The following USH2A variants were observed in gnomAD, a reference collection of about 807,000 sequenced individuals.
USH2A encodes the protein Usher syndrome 2A (autosomal recessive, mild).
A neutral mutation model predicts 538.9 loss-of-function variants in USH2A; 443 were observed. The observed-to-expected ratio is 0.82, with a 90% CI of 0.76 to 0.89. The LOEUF is 0.89. Ranked by LOEUF, USH2A falls within the 40% of genes least tolerant of loss-of-function variation. The pLI, the probability that USH2A is intolerant of heterozygous loss-of-function variation, is 0.00. For synonymous variants in USH2A, 2,413 were observed against 2,273.5 expected, an observed-to-expected ratio of 1.06 and a Z score of -1.75; for missense variants, 6,633 against 6,324.8, an observed-to-expected ratio of 1.05 and a Z score of -1.65.
At chr1:216,273,169 T>C (rs1309033364) in intron 11 of USH2A, among the ~76,000 whole-genome samples, 1 of 152,010 alleles carries the variant, frequency 6.6e-6, no homozygotes, top group Non-Finnish European at 1.5e-5. Context: ...AGTAAAGGGG[T>C]GTCGGACTTT....
At chr1:215,811,490 C>T (rs189521871) in intron 49 of USH2A, among the ~76,000 whole-genome samples, 3 of 152,250 alleles carry the variant, frequency 2.0e-5, no homozygotes, top group Admixed American at 1.3e-4. Context: ...TCATCTGATC[C>T]TATAGTCCCC....
intron 18 of USH2A, among the ~76,000 whole-genome samples, chr1:216,197,086 T>G (rs1341436699): frequency 6.6e-6 from 1 of 152,016 alleles, no homozygotes; most frequent in Non-Finnish European, 1.5e-5. Flanking sequence ...TTCAGAAAAA[T>G]GCATGGTGAT....
intron 21 of USH2A, among the ~76,000 whole-genome samples, chr1:216,136,249 C>G (rs1021255944): frequency 6.6e-6 from 1 of 152,044 alleles, no homozygotes; most frequent in South Asian, 2.1e-4. Flanking sequence ...TATGCTATCT[C>G]TATAAATATA....
intron 32 of USH2A, among the ~76,000 whole-genome samples, chr1:216,036,428 TATGTATATGTACACATCC>T (rs2029971992): frequency 1.3e-5 from 2 of 152,198 alleles, no homozygotes. Context: ...CATACCTATA[TATGTATATGTACACATCC>T]ATGTATATGT....
chr1:215,892,453 T>A (rs963774555), intron 40 of USH2A, among the ~76,000 whole-genome samples: 1 of 152,208 alleles, frequency 6.6e-6, no homozygotes, highest in Non-Finnish European at 1.5e-5. Flanking sequence ...GGATGTATAA[T>A]TATATAAAGC....
chr1:216,206,599 C>T (rs1366382703), intron 16 of USH2A, among the ~76,000 whole-genome samples: 2 of 152,142 alleles, frequency 1.3e-5, no homozygotes, highest in South Asian at 4.1e-4. Context: ...CAGACCAGTA[C>T]CTGTCCACAG....
chr1:215,741,327 A>G, intron 60 of USH2A, 48 bp downstream of exon 60: 1 of 1,585,484 alleles, frequency 6.3e-7, no homozygotes, highest in Middle Eastern at 1.7e-4. Context: ...GTGTTGGAGC[A>G]GTACGCATTC....
intron 38 of USH2A, among the ~76,000 whole-genome samples, chr1:215,917,955 C>T (rs1666002743): frequency 1.3e-5 from 2 of 151,884 alleles, no homozygotes; most frequent in Admixed American, 6.6e-5. Flanking sequence ...AAAGTGAGAG[C>T]CTTTCTCAAA....
At position 215,798,760 on chromosome 1, in the gene USH2A, G is replaced by A. The variant is rs531708568; in HGVS notation, c.9958+147C>T. 2.5e-5 allele frequency: 23 copies of A among 925,460 alleles called. No individual in the cohort carries two copies. In the South Asian group the frequency reaches 3.2e-4, roughly 13 times the overall value. 57.3% of individuals were successfully genotyped at this position (925,460 alleles called of 1,614,324 possible). A position where few individuals can be genotyped will look rare whatever the true frequency, so the allele number is the denominator to read the frequency against. On this transcript the variant is annotated intron_variant, in intron 50 of 71. Coordinates refer to ENST00000307340, the MANE Select transcript of USH2A (RefSeq NM_206933.4). Reference sequence around the variant, plus strand: ...AAAAATTGGGAGATTACATTGTTATGTGTTAAACAATATGTTCCTAATTAT... The same window carrying A: ...AAAAATTGGGAGATTACATTGTTATATGTTAAACAATATGTTCCTAATTAT...
intron 41 of USH2A, 81 bp from the exon 42 acceptor site, chr1:215,879,179 T>C (rs1664848749): frequency 7.7e-7 from 1 of 1,305,050 alleles, no homozygotes; most frequent in African/African-American, 1.5e-5. Flanking sequence ...AGAATTTTGC[T>C]CTTGTTTTCA....
intron 35 of USH2A, among the ~76,000 whole-genome samples, chr1:215,984,927 GC>G (rs1667836512): frequency 6.6e-6 from 1 of 152,156 alleles, no homozygotes; most frequent in Non-Finnish European, 1.5e-5. Flanking sequence ...AGAGAGAAGA[GC>G]TTTCACATTG....
intron 32 of USH2A, among the ~76,000 whole-genome samples, chr1:216,026,442 T>C (rs1283550681): frequency 1.3e-5 from 2 of 152,100 alleles, no homozygotes; most frequent in African/African-American, 2.4e-5. Context: ...TACAGAGAAA[T>C]AGGAAATAAA....
intron 32 of USH2A, among the ~76,000 whole-genome samples, chr1:216,016,565 A>C (rs983774266): frequency 6.6e-6 from 1 of 152,078 alleles, no homozygotes; most frequent in Non-Finnish European, 1.5e-5. Context: ...TCTCTTCAAC[A>C]TATGCGTAGT....
intron 13 of USH2A, among the ~76,000 whole-genome samples, chr1:216,242,152 C>T (rs1408495756): frequency 6.7e-6 from 1 of 150,364 alleles, no homozygotes; most frequent in African/African-American, 2.5e-5. Flanking sequence ...GAGATCGAGA[C>T]CATCCTGGCT....
At chr1:215,804,580 T>C (rs1279170801) in intron 49 of USH2A, among the ~76,000 whole-genome samples, 1 of 147,640 alleles carries the variant, frequency 6.8e-6, no homozygotes, top group East Asian at 2.1e-4. Flanking sequence ...AAAACCACAA[T>C]GAGATACTAT....
At chr1:216,275,257 G>A (rs2036650852) in intron 11 of USH2A, among the ~76,000 whole-genome samples, 1 of 151,948 alleles carries the variant, frequency 6.6e-6, no homozygotes, top group African/African-American at 2.4e-5. Flanking sequence ...TTTCATAAAT[G>A]TCATCTGAAT....
intron 71 of USH2A, among the ~76,000 whole-genome samples, chr1:215,626,309 ATATGTATG>A (rs957763142): frequency 6.0e-5 from 9 of 150,072 alleles, no homozygotes; most frequent in Admixed American, 1.3e-4. Flanking sequence ...CTATATATAT[ATATGTATG>A]TATGTATGTA....
chr1:215,675,641 G>T (rs1445316132), intron 62 of USH2A, 25 bp from the exon 63 acceptor site: 36 of 1,613,848 alleles, frequency 2.2e-5, no homozygotes, highest in Middle Eastern at 1.6e-4. Flanking sequence ...AAGCAAAAGG[G>T]ATAACTTGCA....
chr1:215,749,601 T>C (rs571464709), intron 58 of USH2A, among the ~76,000 whole-genome samples: 2 of 152,280 alleles, frequency 1.3e-5, no homozygotes, highest in East Asian at 3.9e-4. Context: ...AGCCCCCTGG[T>C]ATTCTGATGA....
Sources: gnomAD v4.1 joint callset for allele counts (sites outside exome capture counted in the v4.1 genomes callset) on GRCh38, gnomAD v4.1.1 for gene constraint, MANE v1.5 for transcripts, NCBI Gene and HGNC (gene_info 2026-07-23, HGNC 2026-07-21) for gene names.